Variants in SLC5A10 observed in about 807,000 individuals in gnomAD.
SLC5A10 encodes solute carrier family 5 member 10, also known as sodium/mannose cotransporter SLC5A10.
Under a neutral mutation model 68.9 loss-of-function variants are expected in SLC5A10, and 55 were observed. That is an observed-to-expected ratio of 0.80 (90% CI 0.64 to 1.00). SLC5A10 has a LOEUF of 1.00. Among genes scored for constraint, SLC5A10 ranks in the 50% least tolerant of loss-of-function variants. The pLI is 0.00. For synonymous variants in SLC5A10, 344 were observed against 344.8 expected, an observed-to-expected ratio of 1.00 and a Z score of 0.02; for missense variants, 732 against 819.3, an observed-to-expected ratio of 0.89 and a Z score of 1.30.
At chr17:18,978,944 G>C in intron 9 of SLC5A10, 2 of 1,409,914 alleles carry the variant, frequency 1.4e-6, no homozygotes, top group Non-Finnish European at 1.9e-6. Context: ...TCAGACTGTG[G>C]CCACAGGGCC....
In SLC5A10 at chr17:19,020,442, C is replaced by G. The variant is rs374628065; in HGVS notation, c.*11C>G. On this transcript the variant is annotated 3_prime_UTR_variant, in exon 15 of 15. Transcript: ENST00000395645. ...GCCTACTTCGCCTGACACTGCCATC[C>G]TGGACAGAAAGGCAGGAGCTCTGAG... is the stretch of plus-strand genomic sequence containing the variant. The G allele has an allele frequency of 6.2e-6, 10 of 1,612,912 alleles. No homozygotes were observed. In the African/African-American group the frequency reaches 1.2e-4, roughly 19 times the overall value.
At chr17:19,007,961 A>T (rs1262205744) in intron 9 of SLC5A10, among the ~76,000 whole-genome samples, 15 of 152,236 alleles carry the variant, frequency 9.9e-5, no homozygotes. Flanking sequence ...TGGAGAACAC[A>T]AAGAAGGTTA....
intron 9 of SLC5A10, among the ~76,000 whole-genome samples, chr17:19,010,434 A>G (rs1161667156): frequency 3.9e-5 from 6 of 152,082 alleles, no homozygotes; most frequent in African/African-American, 1.2e-4. Flanking sequence ...CCCAGTTCTC[A>G]CTGCCCCCAG....
intron 9 of SLC5A10, among the ~76,000 whole-genome samples, chr17:19,010,816 G>C (rs2043997790): frequency 1.3e-5 from 2 of 152,160 alleles, no homozygotes. Context: ...GGGGCCCCCG[G>C]CTCTGTCTTG....
At chr17:18,955,161 G>C (rs188824217) in intron 1 of SLC5A10, among the ~76,000 whole-genome samples, 1 of 150,980 alleles carries the variant, frequency 6.6e-6, no homozygotes, top group African/African-American at 2.4e-5. Flanking sequence ...TTCAGGTGCA[G>C]TATGATCCAG....
intron 1 of SLC5A10, among the ~76,000 whole-genome samples, chr17:18,956,865 G>A (rs1229197117): frequency 6.6e-6 from 1 of 152,054 alleles, no homozygotes; most frequent in Non-Finnish European, 1.5e-5. Flanking sequence ...AGCATGCTAC[G>A]TGTACTAACC....
chr17:19,005,680 T>C (rs768572294), intron 9 of SLC5A10, among the ~76,000 whole-genome samples: 1 of 149,548 alleles, frequency 6.7e-6, no homozygotes. Flanking sequence ...CCACCATTCA[T>C]GGCCCATCAG....
intron 9 of SLC5A10, among the ~76,000 whole-genome samples, chr17:18,980,463 C>T (rs533454130): frequency 3.0e-4 from 45 of 152,306 alleles, no homozygotes; most frequent in Admixed American, 6.5e-4. Context: ...GGCCCCTCAA[C>T]TGCCTCAGCT....
chr17:19,019,954 T>A, intron 13 of SLC5A10, 26 bp downstream of exon 13: 1 of 1,570,312 alleles, frequency 6.4e-7, no homozygotes, highest in Non-Finnish European at 8.6e-7. Context: ...CCCCTGACCC[T>A]GACCCCTAAC....
At chr17:19,012,005 T>C (rs2152152195) in intron 9 of SLC5A10, among the ~76,000 whole-genome samples, 1 of 152,196 alleles carries the variant, frequency 6.6e-6, no homozygotes, top group Middle Eastern at 3.4e-3. Flanking sequence ...GTTGCAACTC[T>C]GCCTGCCCCT....
At position 19,019,489 on chromosome 17, in the gene SLC5A10, C is replaced by T. The variant is rs762718767; in HGVS notation, c.1308C>T (p.Ser436=). ...TCCCCGTCCTGCAGGACTCCAACAG[C>T]GGGCAACTCTTCATCTACATGCAGT... The part of the protein sequence containing the change: ...AWIPVLQDSN[S]GQLFIYMQSV... Residue 436 remains serine (S), a synonymous_variant, in exon 12 of 15, where the codon AGC becomes AGT. Transcript: ENST00000395645. 1.4e-5 allele frequency: 23 copies of T among 1,612,296 alleles called. No individual in the cohort carries two copies. The highest frequency in any genetic ancestry group is 5.5e-5 in the South Asian group (5 of 91,050).
At chr17:18,961,402 C>T (rs60502384) in intron 5 of SLC5A10, among the ~76,000 whole-genome samples, 3,761 of 152,258 alleles carry the variant, frequency 0.025, 152 homozygotes, top group African/African-American at 0.085. Flanking sequence ...GCCCCTGCGA[C>T]CTCCGAGCCT....
At position 19,004,324 on chromosome 17, in the gene SLC5A10, G is replaced by A; in HGVS notation, c.983-9086G>A. 2 of 404,538 alleles carry A rather than the reference G, an allele frequency of 4.9e-6. No individual in the cohort carries two copies. The highest frequency in any genetic ancestry group is 8.9e-6 in the Non-Finnish European group (2 of 225,740). 25.1% of individuals were successfully genotyped at this position (404,538 alleles called of 1,614,324 possible). On this transcript the variant is annotated intron_variant, in intron 9 of 14. Coordinates refer to ENST00000395645, the MANE Select transcript of SLC5A10 (RefSeq NM_001042450.4). This position sits in a 1 kb window ranked among gnomAD's most constrained non-coding sequence, Gnocchi z 5.4. The stretch of plus-strand genomic sequence containing the variant: ...AGGTGGGGGCACTGGACTGGGATGG[G>A]AAGAAAGTAAGGGATCGGAACAGCG...
chr17:18,981,349 G>A (rs1166381198), intron 9 of SLC5A10, among the ~76,000 whole-genome samples: 2 of 152,146 alleles, frequency 1.3e-5, no homozygotes, highest in Non-Finnish European at 2.9e-5. Flanking sequence ...AGCCTGCAGA[G>A]CGAGCAGGGG....
chr17:19,017,488 C>A lies in SLC5A10; in HGVS notation c.1242-1935C>A. The A allele has an allele frequency of 1.7e-6, 2 of 1,206,478 alleles. No individual in the cohort carries two copies. The highest frequency in any genetic ancestry group is 1.2e-6 in the Non-Finnish European group (1 of 840,252). The allele number at this position is 1,206,478 out of a possible 1,614,324, so 74.7% of individuals were successfully genotyped here. ...CCCAGAGGCCTGGAGAGGAGGCCAT[C>A]GCAGGGCCGGGTGCAGTACCATGCC... On this transcript the variant is annotated intron_variant, in intron 11 of 14. Coordinates refer to ENST00000395645, the MANE Select transcript of SLC5A10 (RefSeq NM_001042450.4). This position sits in a 1 kb window ranked among gnomAD's most constrained non-coding sequence, Gnocchi z 5.6.
chr17:18,971,771 T>C lies in SLC5A10; in HGVS notation c.846+553T>C. 2 of 1,533,940 alleles carry C rather than the reference T, an allele frequency of 1.3e-6. No individual in the cohort carries two copies. Among genetic ancestry groups the C allele is most frequent in the South Asian group, 1.3e-5 (1 of 78,196 alleles). On this transcript the variant is annotated intron_variant, in intron 8 of 14. Transcript: ENST00000395645. The surrounding 1 kb of genome is among the most constrained non-coding windows in gnomAD (Gnocchi z 5.5). ...GCCCTGGGAGAGAGAGAGCAGAGAG[T>C]GAGGCTGAGCAAGAAGGGCCAACCC...
upstream of SLC5A10, chr17:18,951,911 C>A (rs868611693): frequency 2.8e-5 from 11 of 397,628 alleles, no homozygotes; most frequent in Non-Finnish European, 5.0e-5. Flanking sequence ...CCACTAAATG[C>A]GGTTCATTTT....
rs750813249 is a variant in SLC5A10 at position 19,003,544 on chromosome 17, C to G, written c.983-9866C>G. On this transcript the variant is annotated intron_variant, in intron 9 of 14. Transcript: ENST00000395645. This position sits in a 1 kb window ranked among gnomAD's most constrained non-coding sequence, Gnocchi z 4.5. ...CCTTCTGTGCCTGGCTGATCATCTT[C>G]CGCACCACCTCTTTGATGTGGGCCT... The G allele has an allele frequency of 1.3e-6, 2 of 1,548,608 alleles. No individual in the cohort carries two copies.
At chr17:18,979,228 T>C (rs1228632159) in intron 9 of SLC5A10, 2 of 465,064 alleles carry the variant, frequency 4.3e-6, no homozygotes, top group Non-Finnish European at 7.8e-6. Context: ...CCATGCCCCA[T>C]GTGGTGGTGC....
Sources: gnomAD v4.1 joint callset for allele counts (sites outside exome capture counted in the v4.1 genomes callset) on GRCh38, gnomAD v4.1.1 for gene constraint, Gnocchi (gnomAD v3.1) non-coding constraint, MANE v1.5 for transcripts, NCBI Gene and HGNC (gene_info 2026-07-23, HGNC 2026-07-21) for gene names.